ALX4: variants seen among roughly 807,000 people sequenced by gnomAD.
ALX4 encodes the protein homeobox protein aristaless-like 4.
Under a neutral mutation model 40.6 loss-of-function variants are expected in ALX4, and 22 were observed. That is an observed-to-expected ratio of 0.54 (90% CI 0.39 to 0.77). ALX4 has a LOEUF of 0.77. Ranked by LOEUF, ALX4 falls within the 30% of genes least tolerant of loss-of-function variation. ALX4 has a pLI of 0.00. For missense variants in ALX4, 556 were observed against 564.8 expected (o/e 0.98, Z 0.16); for synonymous variants, 266 against 240.5 (o/e 1.11, Z -0.98).
intron 2 of ALX4, among the ~76,000 whole-genome samples, chr11:44,268,303 A>G (rs1267974638): frequency 6.6e-6 from 1 of 152,242 alleles, no homozygotes; most frequent in Non-Finnish European, 1.5e-5. Context: ...GCATACTCCA[A>G]AAACCTAAAG....
chr11:44,263,898 T>C lies in ALX4; in HGVS notation c.*956A>G, dbSNP rs1348023581. The stretch of plus-strand genomic sequence containing the variant: ...GGAAGAGACGAGCCCCTCCGCATCC[T>C]CCTGGAGGGAACCTGACTGGGCTCT... On this transcript the variant is annotated 3_prime_UTR_variant, in exon 4 of 4. Transcript: ENST00000652299. The C allele has an allele frequency of 6.6e-6, 1 of 152,308 alleles. No individual in the cohort carries two copies. Among genetic ancestry groups the C allele is most frequent in the Non-Finnish European group, 1.5e-5 (1 of 68,134 alleles). The allele number at this position is 152,308 out of a possible 1,614,324, so 9.4% of individuals were successfully genotyped here.
chr11:44,307,393 G>A lies in ALX4; in HGVS notation c.466+2204C>T, dbSNP rs79848830. ...TCAGCTCCAAAGGCTAGTGCAAGTA[G>A]AGGAAGGGCCAGGCTGGCTGTGGGG... On this transcript the variant is annotated intron_variant, in intron 1 of 3. Transcript: ENST00000652299. 5.9e-4 allele frequency among the ~76,000 whole-genome samples: 90 copies of A among 152,366 alleles called. No homozygotes were observed. In the East Asian group the frequency reaches 0.015, roughly 25 times the overall value.
intron 2 of ALX4, among the ~76,000 whole-genome samples, chr11:44,270,648 C>A (rs1290856667): frequency 6.6e-6 from 1 of 152,152 alleles, no homozygotes; most frequent in African/African-American, 2.4e-5. Context: ...CACACCAACC[C>A]CCACGCCCGT....
chr11:44,277,280 G>A (rs572047228), intron 1 of ALX4, among the ~76,000 whole-genome samples: 2 of 152,334 alleles, frequency 1.3e-5, no homozygotes, highest in South Asian at 2.1e-4. Flanking sequence ...CTCCAAGCAT[G>A]CAGGCCCTTG....
intron 1 of ALX4, among the ~76,000 whole-genome samples, chr11:44,281,984 C>A (rs1956313135): frequency 6.6e-6 from 1 of 152,178 alleles, no homozygotes; most frequent in African/African-American, 2.4e-5. Context: ...CCCACAGCCA[C>A]CAACCCAAGC....
intron 1 of ALX4, among the ~76,000 whole-genome samples, chr11:44,305,373 A>C (rs961571373): frequency 6.6e-6 from 1 of 152,220 alleles, no homozygotes; most frequent in Admixed American, 6.5e-5. Flanking sequence ...GAAATTAACA[A>C]AGTAAAAAAT....
chr11:44,276,856 C>T (rs1333933173), intron 1 of ALX4, among the ~76,000 whole-genome samples: 2 of 152,150 alleles, frequency 1.3e-5, no homozygotes, highest in Admixed American at 1.3e-4. Flanking sequence ...CTAATGGCAC[C>T]GCTGATCTGA....
rs148368102 is a variant in ALX4, at chr11:44,266,097, G to A, written c.907-914C>T. Among the ~76,000 whole-genome samples the A allele has an allele frequency of 2.3e-4, 35 of 152,182 alleles. No homozygotes were observed. The East Asian group carries it at 4.7e-3, about 20-fold the overall frequency. On this transcript the variant is annotated intron_variant, in intron 3 of 3. Transcript: ENST00000652299. Reference sequence around the variant, plus strand: ...CTCGAGGGAGGCATTTTAAAGCAGGGAGAAAGAGCTCAGCCCCCATCCTGG... The same window carrying A: ...CTCGAGGGAGGCATTTTAAAGCAGGAAGAAAGAGCTCAGCCCCCATCCTGG...
intron 3 of ALX4, among the ~76,000 whole-genome samples, chr11:44,266,503 A>AG (rs1164723073): frequency 1.3e-5 from 2 of 152,080 alleles, no homozygotes; most frequent in Non-Finnish European, 2.9e-5. Context: ...GCTGGGGGAG[A>AG]GGGAACAGAG....
chr11:44,265,118 G>A lies in ALX4; in HGVS notation c.972C>T (p.Pro324=), dbSNP rs542338601. The A allele has an allele frequency of 4.2e-5, 67 of 1,612,004 alleles. No individual in the cohort carries two copies. Among genetic ancestry groups the A allele is most frequent in the Admixed American group, 2.0e-4 (12 of 59,954 alleles). Residue 324 remains proline, a synonymous_variant, in exon 4 of 4, where the codon CCC becomes CCT. Coordinates refer to ENST00000652299, the MANE Select transcript of ALX4 (RefSeq NM_021926.4). ...AASPVPACVV[P]CDPVPACMSP... ...ACATGCAGGCAGGCACCGGGTCGCA[G>A]GGGACCACGCAGGCTGGCACTGGTG...
At chr11:44,265,434 A>G (rs988937984) in intron 3 of ALX4, among the ~76,000 whole-genome samples, 29 of 152,144 alleles carry the variant, frequency 1.9e-4, no homozygotes, top group Non-Finnish European at 3.7e-4. Context: ...GGCTTCATTA[A>G]GGGTCCAGTG....
At chr11:44,296,889 A>G (rs969067444) in intron 1 of ALX4, among the ~76,000 whole-genome samples, 4 of 152,032 alleles carry the variant, frequency 2.6e-5, no homozygotes, top group African/African-American at 9.7e-5. Context: ...GGTGCCTGTA[A>G]TCCCAGCTAC....
intron 1 of ALX4, among the ~76,000 whole-genome samples, chr11:44,277,091 C>T (rs188971951): frequency 1.3e-5 from 2 of 152,310 alleles, no homozygotes; most frequent in East Asian, 3.9e-4. Flanking sequence ...TCAGTTTCCC[C>T]CTCTATAAAA....
chr11:44,285,548 G>T (rs970861704), intron 1 of ALX4, among the ~76,000 whole-genome samples: 1 of 152,186 alleles, frequency 6.6e-6, no homozygotes, highest in Admixed American at 6.5e-5. Flanking sequence ...GAGAAACACG[G>T]CCAAGTTGTC....
intron 2 of ALX4, among the ~76,000 whole-genome samples, chr11:44,274,346 G>A (rs1182863447): frequency 6.6e-6 from 1 of 151,928 alleles, no homozygotes; most frequent in African/African-American, 2.4e-5. Flanking sequence ...GTTGTGTTGT[G>A]TTGGAAGGGG....
rs1406412349 is a variant in ALX4, at chr11:44,267,377, G to A, written c.906+117C>T. ...AACAGGCACACCCCTGGAATGAGAC[G>A]GAAGGGCAGCCTGGAGCCATAAGTC... is the stretch of plus-strand genomic sequence containing the variant. On this transcript the variant is annotated intron_variant, in intron 3 of 3. Coordinates refer to ENST00000652299, the MANE Select transcript of ALX4 (RefSeq NM_021926.4). 1.8e-5 allele frequency: 25 copies of A among 1,399,524 alleles called. 1 individual carries two copies. The highest frequency in any genetic ancestry group is 5.1e-5 in the South Asian group (4 of 77,762). 86.7% of individuals were successfully genotyped at this position (1,399,524 alleles called of 1,614,324 possible).
Position 44,265,006 on chromosome 11 carries a change from T to C in ALX4, c.1084A>G (p.Thr362Ala), listed in dbSNP as rs774659166. The C allele has an allele frequency of 6.2e-7, 1 of 1,613,036 alleles. No homozygotes were observed. Among genetic ancestry groups the C allele is most frequent in the Non-Finnish European group, 8.5e-7 (1 of 1,179,914 alleles). ...VSGAGSHVGQ[T>A]HMGSLFGAAS... is the part of the protein sequence containing the mutation. ...GCTCCAAACAGGCTGCCCATGTGCG[T>C]CTGGCCCACGTGACTGCCAGCCCCA... The change falls in exon 4 of 4, where the codon ACG becomes GCG. Residue 362 changes from threonine to alanine, a missense_variant. Coordinates refer to ENST00000652299, the MANE Select transcript of ALX4 (RefSeq NM_021926.4).
intron 1 of ALX4, among the ~76,000 whole-genome samples, chr11:44,309,180 TCGCA>T (rs1565013087): frequency 2.4e-4 from 33 of 138,622 alleles, no homozygotes; most frequent in Admixed American, 3.5e-4. Flanking sequence ...CCCCGCAGCC[TCGCA>T]GCCCCGCAGC....
Position 44,267,833 on chromosome 11 carries a change from C to G in ALX4, c.778-211G>C, listed in dbSNP as rs185473692. ...CTCTGAGCTGGGAAGGTATCTTACC[C>G]CCACTAGCCATGGGCGTGATCCTGA... On this transcript the variant is annotated intron_variant, in intron 2 of 3. Transcript: ENST00000652299. Among the ~76,000 whole-genome samples, 368 of 152,264 alleles carry G rather than the reference C, an allele frequency of 2.4e-3. 1 individual carries two copies. Among genetic ancestry groups the G allele is most frequent in the African/African-American group, 8.6e-3 (356 of 41,528 alleles).
Sources: gnomAD v4.1 joint callset for allele counts (sites outside exome capture counted in the v4.1 genomes callset) on GRCh38, gnomAD v4.1.1 for gene constraint, MANE v1.5 for transcripts, NCBI Gene and HGNC (gene_info 2026-07-23, HGNC 2026-07-21) for gene names.